The following HPS5 variants were observed in gnomAD, a reference collection of about 807,000 sequenced individuals.
HPS5 encodes BLOC-2 complex member HPS5.
Under a neutral mutation model 128.0 loss-of-function variants are expected in HPS5, and 83 were observed. That is an observed-to-expected ratio of 0.65 (90% CI 0.54 to 0.78). The LOEUF is 0.78. Ranked by LOEUF, HPS5 falls within the 30% of genes least tolerant of loss-of-function variation. The pLI is 0.00. For synonymous variants in HPS5, 475 were observed against 470.2 expected, an observed-to-expected ratio of 1.01 and a Z score of -0.13; for missense variants, 1,281 against 1,326.2, an observed-to-expected ratio of 0.97 and a Z score of 0.53.
rs1344159272 is a variant in HPS5, at chr11:18,279,351, T to G, written c.*531A>C. On this transcript the variant is annotated 3_prime_UTR_variant, in exon 23 of 23. Transcript: ENST00000349215. Reference sequence around the variant, plus strand: ...CACCCAGTCCCATTTTACTTAAATATCAAATTCAAATCTTCAGTGTTCTAC... The same window carrying G: ...CACCCAGTCCCATTTTACTTAAATAGCAAATTCAAATCTTCAGTGTTCTAC... The G allele has an allele frequency of 1.3e-5, 2 of 158,644 alleles. No homozygotes were observed. The highest frequency in any genetic ancestry group is 4.8e-5 in the African/African-American group (2 of 41,490). 9.8% of individuals were successfully genotyped at this position (158,644 alleles called of 1,614,324 possible). A position where few individuals can be genotyped will look rare whatever the true frequency, so the allele number is the denominator to read the frequency against.
chr11:18,296,765 A>G (rs769189818), intron 12 of HPS5, 33 bp downstream of exon 12: 66 of 1,598,498 alleles, frequency 4.1e-5, no homozygotes, highest in Non-Finnish European at 5.3e-5. Flanking sequence ...TAATGGCTTC[A>G]CATCAGGAAC....
At chr11:18,282,667 C>G (rs745730707) in intron 21 of HPS5, among the ~76,000 whole-genome samples, 3 of 152,088 alleles carry the variant, frequency 2.0e-5, no homozygotes, top group Non-Finnish European at 4.4e-5. Flanking sequence ...AATCCCTGTA[C>G]TCTTGTGGAG....
chr11:18,286,902 C>CAA, intron 18 of HPS5, 192 bp from the exon 19 acceptor site: 4 of 532,502 alleles, frequency 7.5e-6, no homozygotes, highest in Admixed American at 4.1e-5. Flanking sequence ...TGTCAAAGGG[C>CAA]CAAAAAAGAA....
At chr11:18,299,405 G>C (rs896239534) in intron 9 of HPS5, among the ~76,000 whole-genome samples, 9 of 152,194 alleles carry the variant, frequency 5.9e-5, no homozygotes, top group Non-Finnish European at 1.3e-4. Context: ...AGAGTATCCT[G>C]AAAGGACTTA....
intron 12 of HPS5, chr11:18,296,555 C>A: frequency 1.6e-6 from 1 of 608,358 alleles, no homozygotes; most frequent in Non-Finnish European, 2.9e-6. Flanking sequence ...ACCTTTCCAG[C>A]ATTTTGATGC....
chr11:18,289,416 G>A (rs1219271754), intron 16 of HPS5, among the ~76,000 whole-genome samples: 1 of 152,108 alleles, frequency 6.6e-6, no homozygotes, highest in Non-Finnish European at 1.5e-5. Context: ...CTATCACTCT[G>A]GCTGATGGAG....
chr11:18,284,981 T>G (rs900706702), intron 20 of HPS5, among the ~76,000 whole-genome samples: 1 of 152,128 alleles, frequency 6.6e-6, no homozygotes, highest in Non-Finnish European at 1.5e-5. Context: ...GCGATGCTAT[T>G]GAGCCCATTT....
rs139351124 is a variant in HPS5 at position 18,309,010 on chromosome 11, C to T, written c.547G>A (p.Asp183Asn). Reference sequence around the variant, plus strand: ...ATAAGTAGCCTTCCATCCAAATAATCTAACTGTACAACACAGGAGTCAACA... The same window carrying T: ...ATAAGTAGCCTTCCATCCAAATAATTTAACTGTACAACACAGGAGTCAACA... ...TTVDSCVVQL[D>N]YLDGRLLISS... Residue 183 changes from aspartate (D) to asparagine (N), a missense_variant, in exon 6 of 23, where the codon GAT (aspartate) becomes AAT (asparagine). Physicochemically the swap from Asp to Asn is conservative, Grantham distance 23. Transcript: ENST00000349215. 5.6e-6 allele frequency: 9 copies of T among 1,613,740 alleles called. No individual in the cohort carries two copies. In the African/African-American group the frequency reaches 1.1e-4, roughly 19 times the overall value.
chr11:18,314,530 A>AAAATAAATAAATAAATAAAT (rs138763524), intron 2 of HPS5: 1 of 151,166 alleles, frequency 6.6e-6, no homozygotes, highest in East Asian at 2.0e-4. Flanking sequence ...CTACATCTCA[A>AAAATAAATAAATAAATAAAT]AAATAAATAA....
In HPS5 at chr11:18,291,608, A is replaced by C; in HGVS notation, c.2274T>G (p.Ser758Arg). ...GTTGCAAAGTGTGGTCCACATGTCC[A>C]CTGGTGCTTTTGATCTTAGAATTCA... ...NVLNSKIKSTSGHVDHTLQQY... is the reference protein window; with the variant it reads ...NVLNSKIKSTRGHVDHTLQQY... The change falls in exon 16 of 23, where the codon AGT (serine) becomes AGG (arginine). Residue 758 changes from serine (S) to arginine (R), a missense_variant. Ser to Arg is a moderately radical substitution (Grantham distance 110, BLOSUM62 -1). Transcript: ENST00000349215. The C allele has an allele frequency of 6.2e-7, 1 of 1,614,196 alleles. No individual in the cohort carries two copies. Among genetic ancestry groups the C allele is most frequent in the South Asian group, 1.1e-5 (1 of 91,080 alleles).
In HPS5 at chr11:18,310,926, G is replaced by A; in HGVS notation, c.292C>T (p.Leu98Phe). ...TGATTTAATTCCCAAACAACCACAA[G>A]ACCTTGACTGCAAGAATTGAGTCAC... Reference protein sequence around the residue: ...DYVAVATSQGLVVVWELNQER... With the variant: ...DYVAVATSQGFVVVWELNQER... The change falls in exon 5 of 23, where the codon CTT (leucine) becomes TTT (phenylalanine). Residue 98 changes from leucine (L) to phenylalanine (F), a missense_variant. By Grantham distance (22) the Leu-to-Phe change is conservative. Transcript: ENST00000349215. 6 of 1,613,912 alleles carry A rather than the reference G, an allele frequency of 3.7e-6. No homozygotes were observed. The highest frequency in any genetic ancestry group is 5.1e-6 in the Non-Finnish European group (6 of 1,179,852).
chr11:18,284,825 G>A (rs1335579051), intron 20 of HPS5, among the ~76,000 whole-genome samples: 5 of 152,176 alleles, frequency 3.3e-5, no homozygotes, highest in African/African-American at 1.2e-4. Context: ...AGTGTGACAT[G>A]GATAATAAGC....
rs1859530861 is a variant in HPS5 at position 18,285,092 on chromosome 11, G to A, written c.2951+254C>T. On this transcript the variant is annotated intron_variant, in intron 20 of 22. Coordinates refer to ENST00000349215, the MANE Select transcript of HPS5 (RefSeq NM_181507.2). ...AATACTATCTACATGCCTGAGAACT[G>A]GGGCTGGCAACTAAGCAGAGGGAGT... is the stretch of plus-strand genomic sequence containing the variant. Among the ~76,000 whole-genome samples, 3 of 151,246 alleles carry A rather than the reference G, an allele frequency of 2.0e-5. No individual in the cohort carries two copies. In the South Asian group the frequency reaches 6.2e-4, roughly 31 times the overall value.
chr11:18,296,582 C>T (rs1199995254), intron 12 of HPS5: 1 of 647,178 alleles, frequency 1.5e-6, no homozygotes, highest in Non-Finnish European at 2.7e-6. Context: ...AAAAACAGGC[C>T]CTAATGTTAG....
intron 15 of HPS5, among the ~76,000 whole-genome samples, chr11:18,292,322 A>G (rs536537535): frequency 4.0e-5 from 6 of 151,536 alleles, no homozygotes; most frequent in African/African-American, 1.5e-4. Context: ...CAGCCTCCTG[A>G]GTAGCTGGGA....
At chr11:18,286,492 T>C (rs1859740868) in intron 19 of HPS5, 99 bp downstream of exon 19, 1 of 1,231,942 alleles carries the variant, frequency 8.1e-7, no homozygotes, top group South Asian at 1.3e-5. Flanking sequence ...CAGGAAGCCA[T>C]GATCTTAGCA....
At position 18,296,170 on chromosome 11, in the gene HPS5, G is replaced by A. The variant is rs114070433; in HGVS notation, c.1511-48C>T. 1.8e-3 allele frequency: 2,838 copies of A among 1,594,580 alleles called. 50 individuals are homozygous for A. In the African/African-American group the frequency reaches 0.034, roughly 19 times the overall value. On this transcript the variant is annotated intron_variant, in intron 12 of 22. Transcript: ENST00000349215. ...AAAGAAACAAAATCTAATCACGTGGGAGTTGTTTTAATCTTTAAAAAAATT... is the reference window on the plus strand; with the variant it reads ...AAAGAAACAAAATCTAATCACGTGGAAGTTGTTTTAATCTTTAAAAAAATT...
At chr11:18,290,031 T>A (rs776015150) in intron 16 of HPS5, among the ~76,000 whole-genome samples, 12 of 152,232 alleles carry the variant, frequency 7.9e-5, no homozygotes, top group Non-Finnish European at 1.6e-4. Context: ...TGCAGTTAGT[T>A]GTGGCTATAT....
At chr11:18,304,357 C>G (rs1174234740) in intron 8 of HPS5, among the ~76,000 whole-genome samples, 2 of 152,074 alleles carry the variant, frequency 1.3e-5, no homozygotes, top group East Asian at 3.9e-4. Context: ...GCTGGGATTA[C>G]AGGAGCATGC....
Sources: allele counts gnomAD v4.1 joint callset (sites outside exome capture counted in the v4.1 genomes callset), GRCh38; gene constraint gnomAD v4.1.1; transcripts MANE v1.5; gene names NCBI Gene and HGNC (gene_info 2026-07-23, HGNC 2026-07-21).